Variants in SPATA7 observed in about 807,000 individuals in gnomAD.
SPATA7 encodes spermatogenesis associated 7, also known as spermatogenesis-associated protein 7.
SPATA7 carries 43 observed loss-of-function variants against 51.8 expected under a neutral mutation model. The observed-to-expected ratio is 0.83, with a 90% CI of 0.65 to 1.07. SPATA7 has a LOEUF of 1.07. Among genes scored for constraint, SPATA7 ranks in the 50% least tolerant of loss-of-function variants. SPATA7 has a pLI of 0.00. For missense variants in SPATA7, 683 were observed against 701.3 expected (o/e 0.97, Z 0.30); for synonymous variants, 230 against 252.8 (o/e 0.91, Z 0.86).
downstream of SPATA7, among the ~76,000 whole-genome samples, chr14:88,455,565 C>T (rs2077278680): frequency 6.6e-6 from 1 of 151,534 alleles, no homozygotes; most frequent in South Asian, 2.1e-4. Flanking sequence ...CCTTTTTGCC[C>T]ATTAAATATA....
chr14:88,460,184 G>A (rs2077308631), downstream of SPATA7, among the ~76,000 whole-genome samples: 1 of 152,048 alleles, frequency 6.6e-6, no homozygotes, highest in South Asian at 2.1e-4. Context: ...ACAATTATGT[G>A]TCTTGGAGTT....
At chr14:88,399,952 G>A (rs574148347) in intron 4 of SPATA7, among the ~76,000 whole-genome samples, 12 of 152,198 alleles carry the variant, frequency 7.9e-5, no homozygotes, top group South Asian at 2.1e-4. Context: ...CATTTAAACC[G>A]CTGACTTGAA....
chr14:88,426,576 A>T lies in SPATA7; in HGVS notation c.717A>T (p.Pro239=). 1.9e-6 allele frequency: 3 copies of T among 1,614,116 alleles called. No individual in the cohort carries two copies. Among genetic ancestry groups the T allele is most frequent in the Non-Finnish European group, 2.5e-6 (3 of 1,179,984 alleles). ...AACTCTTTTCTAACAAACAATTGCC[A>T]TTCACTCCTCGCACTTTAAAAACAG... ...HSELFSNKQL[P]FTPRTLKTEA... is the part of the protein sequence containing the mutation. The change falls in exon 6 of 12, where the codon CCA becomes CCT. Residue 239 remains proline (P), a synonymous_variant. Coordinates refer to ENST00000393545, the MANE Select transcript of SPATA7 (RefSeq NM_018418.5).
chr14:88,425,727 T>G (rs2139993759), intron 5 of SPATA7, among the ~76,000 whole-genome samples: 1 of 152,174 alleles, frequency 6.6e-6, no homozygotes, highest in East Asian at 1.9e-4. Context: ...TTAATTATAT[T>G]TAAATTATCA....
At chr14:88,436,851 G>A (rs1389940456) in intron 10 of SPATA7, among the ~76,000 whole-genome samples, 1 of 152,108 alleles carries the variant, frequency 6.6e-6, no homozygotes, top group African/African-American at 2.4e-5. Context: ...TTTGAAGTCA[G>A]GTAACATGAT....
chr14:88,409,575 A>G (rs767035712), intron 4 of SPATA7, among the ~76,000 whole-genome samples: 30 of 151,680 alleles, frequency 2.0e-4, no homozygotes, highest in South Asian at 4.2e-4. Context: ...AGGGTTTTTC[A>G]CATCTGTATC....
chr14:88,461,259 T>C (rs188978177), intron 4 of SPATA7, among the ~76,000 whole-genome samples: 219 of 152,326 alleles, frequency 1.4e-3, no homozygotes, highest in Middle Eastern at 3.4e-3. Flanking sequence ...CATTTAAGTC[T>C]GCAGAGGTTT....
In SPATA7 at chr14:88,446,370, C is replaced by T. The variant is rs2077212373; in HGVS notation, c.177+8467C>T. ...TTTATTGCATCTATTTGATTCTTCT[C>T]TCTTTTTTTGTTTATTAGTCTTGCT... On this transcript the variant is annotated intron_variant, in intron 3 of 3. Coordinates refer to the SPATA7 transcript ENST00000554802. Among the ~76,000 whole-genome samples, 3 of 152,096 alleles carry T rather than the reference C, an allele frequency of 2.0e-5. No individual in the cohort carries two copies. The South Asian group carries it at 6.2e-4, about 32-fold the overall frequency.
chr14:88,432,280 T>G (rs943316763), intron 9 of SPATA7, among the ~76,000 whole-genome samples: 1 of 152,156 alleles, frequency 6.6e-6, no homozygotes, highest in African/African-American at 2.4e-5. Flanking sequence ...TATGCTGTTT[T>G]TAAATAAGCA....
At position 88,426,644 on chromosome 14, in the gene SPATA7, C is replaced by T; in HGVS notation, c.785C>T (p.Ala262Val). Reference sequence around the variant, plus strand: ...TCACAGTATCGCTATTATACACCTGCCAAAAGAAAAAAGGATTTTACAGAT... The same window carrying T: ...TCACAGTATCGCTATTATACACCTGTCAAAAGAAAAAAGGATTTTACAGAT... ...FLSQYRYYTP[A>V]KRKKDFTDQR... Residue 262 changes from alanine (A) to valine (V), a missense_variant, in exon 6 of 12, where the codon GCC becomes GTC. Transcript: ENST00000393545. The T allele has an allele frequency of 8.7e-6, 14 of 1,613,172 alleles. No individual in the cohort carries two copies. The highest frequency in any genetic ancestry group is 1.3e-5 in the African/African-American group (1 of 74,896).
rs1453866348 is a variant in SPATA7 at position 88,449,295 on chromosome 14, G to T, written c.178-5765G>T. Among the ~76,000 whole-genome samples, 4 of 152,124 alleles carry T rather than the reference G, an allele frequency of 2.6e-5. No individual in the cohort carries two copies. In the East Asian group the frequency reaches 5.8e-4, roughly 22 times the overall value. Reference sequence around the variant, plus strand: ...TGTCACTACTATCATTCAGTTCAAAGAATTTTTTAATTTCCATCTTGATTT... The same window carrying T: ...TGTCACTACTATCATTCAGTTCAAATAATTTTTTAATTTCCATCTTGATTT... On this transcript the variant is annotated intron_variant, in intron 3 of 3. Coordinates refer to the SPATA7 transcript ENST00000554802.
At chr14:88,427,731 T>C in intron 7 of SPATA7, 35 bp downstream of exon 7, 2 of 1,405,392 alleles carry the variant, frequency 1.4e-6, no homozygotes, top group Non-Finnish European at 2.0e-6. Context: ...ATTGCTACAT[T>C]TGAATTACAG....
At chr14:88,460,236 C>T (rs1029371315), downstream of SPATA7, among the ~76,000 whole-genome samples, 24 of 152,082 alleles carry the variant, frequency 1.6e-4, no homozygotes, top group Non-Finnish European at 2.8e-4. Flanking sequence ...TCTGTATTTC[C>T]TGAATCTGAA....
chr14:88,409,663 T>C (rs2076288600), intron 4 of SPATA7, among the ~76,000 whole-genome samples: 1 of 152,182 alleles, frequency 6.6e-6, no homozygotes, highest in African/African-American at 2.4e-5. Flanking sequence ...GCTCCTCTAG[T>C]TCTTTAAATT....
intron 10 of SPATA7, among the ~76,000 whole-genome samples, chr14:88,433,470 T>C (rs770694639): frequency 1.3e-5 from 2 of 152,176 alleles, no homozygotes; most frequent in African/African-American, 2.4e-5. Flanking sequence ...CCTTGAGTTA[T>C]AAGTGACTAG....
chr14:88,417,139 G>GT (rs2076502716), intron 5 of SPATA7, among the ~76,000 whole-genome samples: 1 of 151,958 alleles, frequency 6.6e-6, no homozygotes, highest in South Asian at 2.1e-4. Flanking sequence ...CCAGTTATAG[G>GT]TTTTTTGTGA....
intron 5 of SPATA7, among the ~76,000 whole-genome samples, chr14:88,419,125 C>T (rs2076565876): frequency 6.6e-6 from 1 of 152,066 alleles, no homozygotes; most frequent in South Asian, 2.1e-4. Flanking sequence ...TCTGGTTAAT[C>T]TATCAGTTAT....
At chr14:88,413,063 A>G (rs1320924447) in intron 4 of SPATA7, among the ~76,000 whole-genome samples, 6 of 152,102 alleles carry the variant, frequency 3.9e-5, no homozygotes, top group Non-Finnish European at 2.9e-5. Flanking sequence ...AAATTTTAGA[A>G]TAGTATTTTC....
chr14:88,432,143 T>C (rs2076959578), intron 9 of SPATA7, among the ~76,000 whole-genome samples: 1 of 152,160 alleles, frequency 6.6e-6, no homozygotes. Flanking sequence ...TAGTTCAGGA[T>C]ACTCTTTCCA....
Sources: gnomAD v4.1 joint callset for allele counts (sites outside exome capture counted in the v4.1 genomes callset) on GRCh38, gnomAD v4.1.1 for gene constraint, MANE v1.5 for transcripts, NCBI Gene and HGNC (gene_info 2026-07-23, HGNC 2026-07-21) for gene names.